DYM: variants seen among roughly 807,000 people sequenced by gnomAD.
DYM encodes dyggve-Melchior-Clausen syndrome protein.
A neutral mutation model predicts 93.1 loss-of-function variants in DYM; 78 were observed. The observed-to-expected ratio is 0.84, with a 90% CI of 0.70 to 1.01. DYM has a LOEUF of 1.01. DYM is among the 50% of genes least tolerant of loss of function. The pLI is 0.00. For synonymous variants in DYM, 321 were observed against 319.7 expected (o/e 1.00, Z -0.04); for missense variants, 789 against 845.0 (o/e 0.93, Z 0.82).
At chr18:49,049,746 G>C (rs960166662) in intron 17 of DYM, 1 of 154,330 alleles carries the variant, frequency 6.5e-6, no homozygotes, top group South Asian at 2.0e-4. Context: ...TCATAGCGAA[G>C]TCTAGTCTTT....
intron 8 of DYM, among the ~76,000 whole-genome samples, chr18:49,308,991 A>G (rs1456886372): frequency 6.6e-6 from 1 of 152,234 alleles, no homozygotes; most frequent in East Asian, 1.9e-4. Context: ...ATGAAGAAAT[A>G]TTAATGGCAT....
intron 6 of DYM, among the ~76,000 whole-genome samples, chr18:49,339,806 T>C (rs779160544): frequency 1.3e-5 from 2 of 152,168 alleles, no homozygotes; most frequent in Non-Finnish European, 2.9e-5. Context: ...TATGCAGCAA[T>C]AGATGAACAA....
intron 13 of DYM, among the ~76,000 whole-genome samples, chr18:49,216,572 C>G (rs1036695621): frequency 6.6e-6 from 1 of 152,150 alleles, no homozygotes; most frequent in East Asian, 1.9e-4. Flanking sequence ...GAGGAACGAT[C>G]AGACAGCAGC....
chr18:49,258,870 AG>A (rs2094443575), intron 11 of DYM, among the ~76,000 whole-genome samples: 1 of 126,384 alleles, frequency 7.9e-6, no homozygotes, highest in Non-Finnish European at 1.8e-5. Context: ...AGAGAGAGAG[AG>A]AGAGAGAGAG....
intron 3 of DYM, among the ~76,000 whole-genome samples, chr18:49,390,440 A>T (rs541214201): frequency 7.5e-4 from 114 of 152,262 alleles, no homozygotes; most frequent in East Asian, 3.9e-4. Context: ...TTTAAAAAAA[A>T]AAATAAATCA....
intron 13 of DYM, among the ~76,000 whole-genome samples, chr18:49,216,636 G>T (rs1227767318): frequency 6.6e-6 from 1 of 152,172 alleles, no homozygotes; most frequent in Non-Finnish European, 1.5e-5. Context: ...TGATACCCAG[G>T]CAAACAGGGT....
intron 14 of DYM, among the ~76,000 whole-genome samples, chr18:49,196,981 T>C (rs950153927): frequency 2.6e-5 from 4 of 151,994 alleles, no homozygotes; most frequent in African/African-American, 9.7e-5. Context: ...CTGAAATGGA[T>C]GTAGTGAGGA....
Position 49,321,796 on chromosome 18 carries a change from T to G in DYM, c.763+10068A>C, listed in dbSNP as rs547923355. 3.5e-4 allele frequency among the ~76,000 whole-genome samples: 53 copies of G among 152,114 alleles called. 1 individual carries two copies. The highest frequency in any genetic ancestry group is 6.6e-4 in the Non-Finnish European group (45 of 67,994). The stretch of plus-strand genomic sequence containing the variant: ...ATTCTTTCTGTGAGCACGTAAAATC[T>G]CTCAAATTATTCCAAATAGAGATGA... On this transcript the variant is annotated intron_variant, in intron 8 of 17. Coordinates refer to ENST00000675505, the MANE Select transcript of DYM (RefSeq NM_001353214.3).
At chr18:49,262,181 G>C (rs2094500129) in intron 11 of DYM, among the ~76,000 whole-genome samples, 1 of 152,192 alleles carries the variant, frequency 6.6e-6, no homozygotes, top group Admixed American at 6.5e-5. Context: ...CACCTCCTGA[G>C]AGAAGGATGT....
intron 15 of DYM, among the ~76,000 whole-genome samples, chr18:49,154,261 T>C (rs2086135173): frequency 6.6e-6 from 1 of 152,174 alleles, no homozygotes; most frequent in African/African-American, 2.4e-5. Flanking sequence ...AATGTTAAAA[T>C]TGTAAAATCT....
intron 17 of DYM, among the ~76,000 whole-genome samples, chr18:49,084,586 G>A (rs749218607): frequency 2.0e-5 from 3 of 152,094 alleles, no homozygotes. Flanking sequence ...CTTCTTTTCA[G>A]TTCTGTCAAG....
chr18:49,418,996 A>G (rs2073330042), intron 2 of DYM, among the ~76,000 whole-genome samples: 1 of 152,154 alleles, frequency 6.6e-6, no homozygotes, highest in Non-Finnish European at 1.5e-5. Context: ...AATGCAGTTT[A>G]TTTACTTTAC....
intron 2 of DYM, 32 bp from the exon 3 acceptor site, chr18:49,391,677 G>A: frequency 1.3e-6 from 2 of 1,560,328 alleles, no homozygotes; most frequent in Non-Finnish European, 1.8e-6. Flanking sequence ...GGTAATTAAT[G>A]ACTATAATAC....
At chr18:49,203,871 T>TAAAAAAAAAAAAAA (rs71165370) in intron 14 of DYM, among the ~76,000 whole-genome samples, 2 of 63,548 alleles carry the variant, frequency 3.1e-5, no homozygotes, top group Non-Finnish European at 5.7e-5. Flanking sequence ...TTTAAAAAAG[T>TAAAAAAAAAAAAAA]AAAAAAAAAA....
At chr18:49,379,921 G>A (rs1049807652) in intron 3 of DYM, among the ~76,000 whole-genome samples, 163 bp from the exon 4 acceptor site, 17 of 152,104 alleles carry the variant, frequency 1.1e-4, no homozygotes, top group African/African-American at 4.1e-4. Flanking sequence ...GAGAGAAACT[G>A]CTGCTCTTGG....
At chr18:49,090,750 T>C (rs2078977063) in intron 17 of DYM, among the ~76,000 whole-genome samples, 2 of 152,098 alleles carry the variant, frequency 1.3e-5, no homozygotes. Context: ...ACTGGAAAAA[T>C]TTATCCTAAT....
chr18:49,103,844 G>C (rs1379239366), intron 16 of DYM, among the ~76,000 whole-genome samples: 1 of 151,448 alleles, frequency 6.6e-6, no homozygotes, highest in East Asian at 1.9e-4. Flanking sequence ...GTCAGGTAGC[G>C]TGATGCCTCC....
intron 8 of DYM, among the ~76,000 whole-genome samples, chr18:49,305,651 C>T (rs1387477791): frequency 6.6e-6 from 1 of 152,114 alleles, no homozygotes; most frequent in Non-Finnish European, 1.5e-5. Flanking sequence ...GAAATGTAGG[C>T]ATTTAATAAA....
chr18:49,376,677 G>A (rs1599766226), intron 5 of DYM, among the ~76,000 whole-genome samples: 3 of 152,144 alleles, frequency 2.0e-5, no homozygotes, highest in South Asian at 2.1e-4. Context: ...AGTGAGATTC[G>A]GACCTTACAG....
Sources: allele counts gnomAD v4.1 joint callset (sites outside exome capture counted in the v4.1 genomes callset), GRCh38; gene constraint gnomAD v4.1.1; transcripts MANE v1.5; gene names NCBI Gene and HGNC (gene_info 2026-07-23, HGNC 2026-07-21).